Variants in EDIL3 observed in about 807,000 individuals in gnomAD.
EDIL3 encodes EGF-like repeat and discoidin I-like domain-containing protein 3.
In EDIL3, 37 loss-of-function variants were observed where a neutral mutation model predicts 67.4. That is an observed-to-expected ratio of 0.55 (90% CI 0.42 to 0.72). The LOEUF (loss-of-function observed/expected upper bound fraction) is 0.72, where lower values mean the gene tolerates loss of function less well. EDIL3 is among the 30% of genes least tolerant of loss of function. The pLI is 0.00. For synonymous variants in EDIL3, 195 were observed against 196.3 expected (o/e 0.99, Z 0.05); for missense variants, 527 against 586.3 (o/e 0.90, Z 1.04).
chr5:84,131,633 G>A (rs1424652195), intron 5 of EDIL3, among the ~76,000 whole-genome samples: 1 of 152,224 alleles, frequency 6.6e-6, no homozygotes, highest in East Asian at 1.9e-4. Context: ...CAGTAGTAAA[G>A]AGTATCTAGT....
chr5:84,214,734 T>C (rs971363494), intron 3 of EDIL3, among the ~76,000 whole-genome samples: 2 of 152,066 alleles, frequency 1.3e-5, no homozygotes, highest in African/African-American at 4.8e-5. Context: ...TTTTTTTTTT[T>C]AGAGACAGAG....
intron 1 of EDIL3, among the ~76,000 whole-genome samples, chr5:84,319,877 C>A (rs905884683): frequency 4.6e-5 from 7 of 152,070 alleles, no homozygotes; most frequent in Non-Finnish European, 5.9e-5. Flanking sequence ...TGGAAACCAT[C>A]ATTCTCAGCA....
intron 6 of EDIL3, among the ~76,000 whole-genome samples, chr5:84,085,614 A>G (rs550027322): frequency 2.6e-5 from 4 of 151,926 alleles, no homozygotes; most frequent in African/African-American, 4.8e-5. Context: ...GTGTCTGTCG[A>G]CCCCTGTTGG....
intron 9 of EDIL3, among the ~76,000 whole-genome samples, chr5:84,035,892 C>A (rs1308130852): frequency 2.0e-5 from 3 of 152,250 alleles, no homozygotes; most frequent in Middle Eastern, 3.4e-3. Context: ...AATTTTATTT[C>A]TTGTTTATAG....
At position 84,357,720 on chromosome 5, in the gene EDIL3, C is replaced by T. The variant is rs188243704; in HGVS notation, c.67+26588G>A. On this transcript the variant is annotated intron_variant, in intron 1 of 10. Transcript: ENST00000296591. The stretch of plus-strand genomic sequence containing the variant: ...CCTGGATGGCATGGTGAAACCCCAT[C>T]TCTACTAAAAATACAAAATTAACCA... 8.3e-4 allele frequency among the ~76,000 whole-genome samples: 126 copies of T among 152,130 alleles called. 3 individuals are homozygous for T. The highest frequency in any genetic ancestry group is 8.3e-3 in the Admixed American group (126 of 15,262).
intron 1 of EDIL3, among the ~76,000 whole-genome samples, chr5:84,274,119 C>A (rs1745528595): frequency 6.6e-6 from 1 of 151,874 alleles, no homozygotes; most frequent in South Asian, 2.1e-4. Context: ...TTTTTTATTT[C>A]TTTTAGAGAC....
At chr5:84,373,870 A>G (rs528506933) in intron 1 of EDIL3, among the ~76,000 whole-genome samples, 1 of 152,288 alleles carries the variant, frequency 6.6e-6, no homozygotes, top group Non-Finnish European at 1.5e-5. Flanking sequence ...TGATGCGAAA[A>G]TCTAATAAAT....
chr5:83,992,859 A>AT (rs1745174516), intron 9 of EDIL3, among the ~76,000 whole-genome samples: 1 of 151,760 alleles, frequency 6.6e-6, no homozygotes, highest in Non-Finnish European at 1.5e-5. Context: ...ACTCTATTTA[A>AT]AAATATTAAA....
intron 3 of EDIL3, among the ~76,000 whole-genome samples, chr5:84,224,853 A>C (rs1744417857): frequency 6.6e-6 from 1 of 151,594 alleles, no homozygotes; most frequent in South Asian, 2.1e-4. Context: ...TATTTGTGCA[A>C]TATCAACATA....
At chr5:84,095,485 G>C (rs1747245362) in intron 6 of EDIL3, among the ~76,000 whole-genome samples, 1 of 152,160 alleles carries the variant, frequency 6.6e-6, no homozygotes, top group African/African-American at 2.4e-5. Flanking sequence ...GAACTTGCTG[G>C]GAACTGGAGC....
intron 1 of EDIL3, among the ~76,000 whole-genome samples, chr5:84,286,821 G>A (rs1296025461): frequency 6.6e-6 from 1 of 152,134 alleles, no homozygotes; most frequent in African/African-American, 2.4e-5. Context: ...ATCCTCAGCT[G>A]TTCAGCATTC....
chr5:84,196,939 T>C (rs1288709124), intron 3 of EDIL3: 2 of 152,040 alleles, frequency 1.3e-5, no homozygotes, highest in Non-Finnish European at 2.9e-5. Flanking sequence ...AATATTAGTA[T>C]GGTTCCTACA....
intron 2 of EDIL3, among the ~76,000 whole-genome samples, chr5:84,235,516 G>T (rs1318882964): frequency 6.6e-6 from 1 of 152,004 alleles, no homozygotes; most frequent in Non-Finnish European, 1.5e-5. Context: ...AACATATATT[G>T]AATTTTTATT....
At chr5:84,207,052 T>A (rs968528729) in intron 3 of EDIL3, among the ~76,000 whole-genome samples, 2 of 152,230 alleles carry the variant, frequency 1.3e-5, no homozygotes, top group Admixed American at 1.3e-4. Context: ...CCAGGGCAAT[T>A]AGGCAGGAGA....
chr5:84,139,471 C>T (rs149071392), intron 4 of EDIL3, among the ~76,000 whole-genome samples: 3 of 152,200 alleles, frequency 2.0e-5, no homozygotes, highest in Non-Finnish European at 4.4e-5. Context: ...TTATATTGGA[C>T]TAACACACAA....
chr5:84,327,788 G>A (rs1447105202), intron 1 of EDIL3, among the ~76,000 whole-genome samples: 1 of 151,978 alleles, frequency 6.6e-6, no homozygotes, highest in Non-Finnish European at 1.5e-5. Flanking sequence ...TAGGGAAGAT[G>A]ACTCATGATT....
intron 9 of EDIL3, among the ~76,000 whole-genome samples, chr5:83,968,819 G>T (rs946208412): frequency 6.6e-6 from 1 of 151,718 alleles, no homozygotes; most frequent in Non-Finnish European, 1.5e-5. Context: ...TCAACTGCAC[G>T]TTTTTCACTG....
At chr5:83,974,586 A>G (rs780752012) in intron 9 of EDIL3, among the ~76,000 whole-genome samples, 3 of 152,048 alleles carry the variant, frequency 2.0e-5, no homozygotes, top group Non-Finnish European at 4.4e-5. Context: ...TGTGAGCATT[A>G]TATTTGTATA....
At chr5:83,963,147 C>T in intron 10 of EDIL3, 58 bp downstream of exon 10, 1 of 1,522,846 alleles carries the variant, frequency 6.6e-7, no homozygotes, top group South Asian at 1.3e-5. Flanking sequence ...TTCAATCAAA[C>T]TTGGGTGTAA....
Sources: allele counts gnomAD v4.1 joint callset (sites outside exome capture counted in the v4.1 genomes callset), GRCh38; gene constraint gnomAD v4.1.1; transcripts MANE v1.5; gene names NCBI Gene and HGNC (gene_info 2026-07-23, HGNC 2026-07-21).